PRKG1: variants seen among roughly 807,000 people sequenced by gnomAD.
The protein encoded by PRKG1 is protein kinase cGMP-dependent 1.
PRKG1 carries 35 observed loss-of-function variants against 88.1 expected under a neutral mutation model. The ratio of observed to expected loss-of-function variants is 0.40; its 90% CI spans 0.30 to 0.53. PRKG1 has a LOEUF of 0.53. PRKG1 is among the 20% of genes least tolerant of loss of function. The pLI is 0.59. For missense variants in PRKG1, 540 were observed against 839.8 expected (o/e 0.64, Z 4.41); for synonymous variants, 303 against 292.5 (o/e 1.04, Z -0.37).
chr10:51,778,366 T>C (rs1399122109), intron 3 of PRKG1, among the ~76,000 whole-genome samples: 1 of 152,166 alleles, frequency 6.6e-6, no homozygotes, highest in Non-Finnish European at 1.5e-5. Context: ...TATTTGAAGA[T>C]GCCGCCTGCT....
At chr10:52,032,182 CTGTT>C (rs1845491223) in intron 5 of PRKG1, among the ~76,000 whole-genome samples, 1 of 152,160 alleles carries the variant, frequency 6.6e-6, no homozygotes, top group Admixed American at 6.5e-5. Context: ...CTTCACTTCT[CTGTT>C]TGTGTCTGCG....
chr10:52,246,812 G>T (rs1298111883), intron 9 of PRKG1, among the ~76,000 whole-genome samples: 1 of 143,970 alleles, frequency 6.9e-6, no homozygotes, highest in Non-Finnish European at 1.5e-5. Flanking sequence ...GGAGGCAGAG[G>T]TTGCAGTGAG....
chr10:51,570,242 C>G (rs906559428), intron 3 of PRKG1, among the ~76,000 whole-genome samples: 2 of 151,604 alleles, frequency 1.3e-5, no homozygotes, highest in African/African-American at 2.4e-5. Flanking sequence ...CAATTACACT[C>G]AAATTGAACT....
chr10:52,019,851 G>C (rs1199824374), intron 5 of PRKG1, among the ~76,000 whole-genome samples: 2 of 152,152 alleles, frequency 1.3e-5, no homozygotes, highest in Non-Finnish European at 2.9e-5. Flanking sequence ...CCCCAAGTAA[G>C]ATAAAATCCT....
chr10:52,086,656 T>G (rs1228225521), intron 7 of PRKG1, among the ~76,000 whole-genome samples: 1 of 152,040 alleles, frequency 6.6e-6, no homozygotes, highest in Admixed American at 6.6e-5. Flanking sequence ...CTGCCCACCT[T>G]GGCCTTGATT....
intron 1 of PRKG1, among the ~76,000 whole-genome samples, chr10:51,149,638 T>C (rs963446438): frequency 6.6e-6 from 1 of 152,148 alleles, no homozygotes; most frequent in African/African-American, 2.4e-5. Flanking sequence ...GATTATCATG[T>C]TGGTTTCAGA....
chr10:51,393,573 T>A (rs1297355455), intron 2 of PRKG1, among the ~76,000 whole-genome samples: 3 of 152,222 alleles, frequency 2.0e-5, no homozygotes, highest in African/African-American at 7.2e-5. Flanking sequence ...GATCAGTGCC[T>A]TATCTACAGA....
intron 3 of PRKG1, among the ~76,000 whole-genome samples, chr10:51,663,702 C>CAAAAAAAAAAAAAAAAAAAAACAAAAAA (rs1840354514): frequency 1.4e-5 from 1 of 72,722 alleles, no homozygotes; most frequent in African/African-American, 5.0e-5. Context: ...GACCCTGTCT[C>CAAAAAAAAAAAAAAAAAAAAACAAAAAA]AAAAAAAAAA....
chr10:51,415,756 A>G (rs1219985423), intron 2 of PRKG1, among the ~76,000 whole-genome samples: 3 of 152,126 alleles, frequency 2.0e-5, no homozygotes, highest in African/African-American at 2.4e-5. Context: ...AATTATCCCA[A>G]GAAAGACTGC....
intron 3 of PRKG1, among the ~76,000 whole-genome samples, chr10:51,651,108 C>G (rs915133133): frequency 1.3e-5 from 2 of 152,172 alleles, no homozygotes; most frequent in African/African-American, 4.8e-5. Flanking sequence ...GCCCTTGAAA[C>G]TAAGAATCAA....
At chr10:51,432,362 A>AT (rs1305430010) in intron 2 of PRKG1, among the ~76,000 whole-genome samples, 1 of 152,130 alleles carries the variant, frequency 6.6e-6, no homozygotes, top group African/African-American at 2.4e-5. Context: ...CTCATGTTTT[A>AT]TTTTTAGACA....
chr10:52,138,461 T>C (rs1323522333), intron 8 of PRKG1, among the ~76,000 whole-genome samples: 1 of 152,140 alleles, frequency 6.6e-6, no homozygotes, highest in African/African-American at 2.4e-5. Context: ...CTGTTTGTCA[T>C]GGGAGTAAGA....
At chr10:51,412,928 G>A (rs1838136070) in intron 2 of PRKG1, among the ~76,000 whole-genome samples, 1 of 152,096 alleles carries the variant, frequency 6.6e-6, no homozygotes, top group Non-Finnish European at 1.5e-5. Context: ...GAAATAAGGG[G>A]CTCAAGCCTC....
At chr10:51,250,470 G>C (rs1297473558) in intron 2 of PRKG1, among the ~76,000 whole-genome samples, 2 of 151,756 alleles carry the variant, frequency 1.3e-5, no homozygotes, top group Non-Finnish European at 3.0e-5. Context: ...ATGGAGACTG[G>C]TGAATTCCCA....
At chr10:51,720,121 G>A (rs990959697) in intron 3 of PRKG1, among the ~76,000 whole-genome samples, 21 of 152,090 alleles carry the variant, frequency 1.4e-4, no homozygotes, top group Non-Finnish European at 2.6e-4. Flanking sequence ...GTTATTTTTC[G>A]AAAATACAGA....
rs764364012 is a variant in PRKG1, at chr10:51,699,586, C to G, written c.593-104999C>G. 1.5e-5 allele frequency: 23 copies of G among 1,577,058 alleles called. No homozygotes were observed. The African/African-American group carries it at 1.6e-4, about 11-fold the overall frequency. On this transcript the variant is annotated intron_variant, in intron 3 of 17. Coordinates refer to ENST00000373980, the MANE Select transcript of PRKG1 (RefSeq NM_006258.4). ...TGCAGACAGCCGATAGCGGATTCTT[C>G]GAGGCGTCTGTCCTCTTGCGACCGA...
chr10:50,992,056 AC>A lies in PRKG1; in HGVS notation c.266+418del, dbSNP rs1202953402. On this transcript the variant is annotated intron_variant, in intron 1 of 17. Transcript: ENST00000401604. Reference sequence around the variant, plus strand: ...GGGCCTGGAGAGCTTCCCAGCGGCGACCCCCCGGACTCAGGCCACTGGACAT... The same window carrying A: ...GGGCCTGGAGAGCTTCCCAGCGGCGACCCCCGGACTCAGGCCACTGGACAT... Among the ~76,000 whole-genome samples, 80 of 151,230 alleles carry A rather than the reference AC, an allele frequency of 5.3e-4. 3 individuals carry two copies. The highest frequency in any genetic ancestry group is 8.9e-5 in the Non-Finnish European group (6 of 67,724).
chr10:51,687,226 A>G (rs1841018173), intron 3 of PRKG1, among the ~76,000 whole-genome samples: 1 of 152,252 alleles, frequency 6.6e-6, no homozygotes, highest in South Asian at 2.1e-4. Flanking sequence ...GATTAGGTTC[A>G]AAGACAAGGT....
chr10:51,663,560 C>T (rs1589171952), intron 3 of PRKG1, among the ~76,000 whole-genome samples: 1 of 150,936 alleles, frequency 6.6e-6, no homozygotes, highest in East Asian at 1.9e-4. Flanking sequence ...AAAAAAAAAA[C>T]TAAAAAATTA....
Sources: allele counts gnomAD v4.1 joint callset (sites outside exome capture counted in the v4.1 genomes callset), GRCh38; gene constraint gnomAD v4.1.1; transcripts MANE v1.5; gene names NCBI Gene and HGNC (gene_info 2026-07-23, HGNC 2026-07-21).